CNTNAP5: variants seen among roughly 807,000 people sequenced by gnomAD.
The protein encoded by CNTNAP5 is contactin-associated protein-like 5.
A neutral mutation model predicts 150.2 loss-of-function variants in CNTNAP5; 72 were observed. The observed-to-expected ratio is 0.48, with a 90% confidence interval of 0.40 to 0.58. CNTNAP5 has a LOEUF of 0.58. Among genes scored for constraint, CNTNAP5 ranks in the 20% least tolerant of loss-of-function variants. The pLI is 0.00. For missense variants in CNTNAP5, 1,636 were observed against 1,626.2 expected, an observed-to-expected ratio of 1.01 and a Z score of -0.10; for synonymous variants, 672 against 619.8, an observed-to-expected ratio of 1.08 and a Z score of -1.25.
chr2:124,201,256 A>G (rs946618232), intron 1 of CNTNAP5, among the ~76,000 whole-genome samples: 2 of 152,288 alleles, frequency 1.3e-5, no homozygotes, highest in Middle Eastern at 3.4e-3. Flanking sequence ...CTACTTTTAA[A>G]CCTAGCCAAA....
At chr2:124,386,997 G>C (rs142537424) in intron 3 of CNTNAP5, among the ~76,000 whole-genome samples, 6 of 152,328 alleles carry the variant, frequency 3.9e-5, no homozygotes, top group African/African-American at 1.2e-4. Context: ...GATAGAGCAA[G>C]AAGATGGTTA....
chr2:124,880,448 T>C (rs1677943290), intron 21 of CNTNAP5, among the ~76,000 whole-genome samples: 1 of 152,302 alleles, frequency 6.6e-6, no homozygotes, highest in South Asian at 2.1e-4. Context: ...TAATCAACTC[T>C]AATCAATCAT....
At chr2:124,540,183 T>G (rs1296392977) in intron 10 of CNTNAP5, among the ~76,000 whole-genome samples, 2 of 152,180 alleles carry the variant, frequency 1.3e-5, no homozygotes, top group Non-Finnish European at 2.9e-5. Flanking sequence ...TGCTACCTGC[T>G]TTTACCTATG....
At chr2:124,362,052 G>T (rs1156764017) in intron 3 of CNTNAP5, among the ~76,000 whole-genome samples, 3 of 152,306 alleles carry the variant, frequency 2.0e-5, no homozygotes, top group East Asian at 1.9e-4. Context: ...GCAATATTCG[G>T]GTGGGAGTGA....
chr2:124,853,260 C>A (rs1248735479), intron 19 of CNTNAP5, among the ~76,000 whole-genome samples: 1 of 152,178 alleles, frequency 6.6e-6, no homozygotes, highest in East Asian at 1.9e-4. Context: ...CATTGTGGCA[C>A]CCAGGCTAAC....
chr2:124,556,875 G>C (rs1305504996), intron 10 of CNTNAP5, among the ~76,000 whole-genome samples: 1 of 152,094 alleles, frequency 6.6e-6, no homozygotes, highest in South Asian at 2.1e-4. Flanking sequence ...GTCAGGTTTG[G>C]TTAAAGGTAA....
At chr2:124,089,786 G>C (rs893747972) in intron 1 of CNTNAP5, among the ~76,000 whole-genome samples, 1 of 152,172 alleles carries the variant, frequency 6.6e-6, no homozygotes, top group Non-Finnish European at 1.5e-5. Context: ...TCATAGCTCT[G>C]AAGTGAGAAC....
At chr2:124,454,749 C>A (rs187487449) in intron 6 of CNTNAP5, among the ~76,000 whole-genome samples, 1 of 152,150 alleles carries the variant, frequency 6.6e-6, no homozygotes, top group African/African-American at 2.4e-5. Flanking sequence ...ACATTCAAAA[C>A]CATGCAAATA....
chr2:124,754,331 T>C (rs1680792186), intron 14 of CNTNAP5, among the ~76,000 whole-genome samples: 1 of 152,188 alleles, frequency 6.6e-6, no homozygotes, highest in African/African-American at 2.4e-5. Flanking sequence ...TATGAGCTAC[T>C]CTACTGCTTA....
intron 3 of CNTNAP5, among the ~76,000 whole-genome samples, chr2:124,378,151 T>C (rs1160411111): frequency 1.3e-5 from 2 of 152,102 alleles, no homozygotes; most frequent in African/African-American, 4.8e-5. Context: ...GGTCCAGGTA[T>C]ATATATCCAT....
At chr2:124,667,931 G>A (rs192801686) in intron 13 of CNTNAP5, among the ~76,000 whole-genome samples, 2 of 152,336 alleles carry the variant, frequency 1.3e-5, no homozygotes, top group East Asian at 3.9e-4. Flanking sequence ...TGGGAGAAAC[G>A]ACCCAGAGGA....
chr2:124,232,331 T>C (rs1294290411), intron 2 of CNTNAP5, among the ~76,000 whole-genome samples: 2 of 152,146 alleles, frequency 1.3e-5, no homozygotes, highest in Non-Finnish European at 2.9e-5. Context: ...TGGAACATTG[T>C]GTGGTAGATG....
intron 1 of CNTNAP5, among the ~76,000 whole-genome samples, chr2:124,048,192 C>T (rs2104639635): frequency 6.6e-6 from 1 of 152,280 alleles, no homozygotes; most frequent in South Asian, 2.1e-4. Flanking sequence ...CTATGTTGTT[C>T]TGTTTAAACT....
At chr2:124,871,281 C>CTTATTTATTTATTTATTTAT (rs1427017376) in intron 21 of CNTNAP5, among the ~76,000 whole-genome samples, 2,315 of 151,176 alleles carry the variant, frequency 0.015, 60 homozygotes, top group African/African-American at 0.053. Context: ...TATTTACTTA[C>CTTATTTATTTATTTATTTAT]TTATTTATTT....
At chr2:124,873,208 G>T (rs1677788476) in intron 21 of CNTNAP5, among the ~76,000 whole-genome samples, 1 of 152,026 alleles carries the variant, frequency 6.6e-6, no homozygotes. Flanking sequence ...AGAAGAGCGA[G>T]GAGGAAGGTG....
intron 3 of CNTNAP5, among the ~76,000 whole-genome samples, chr2:124,375,792 G>T (rs1488374716): frequency 6.6e-6 from 1 of 151,966 alleles, no homozygotes; most frequent in African/African-American, 2.4e-5. Flanking sequence ...CCAAAAAAAA[G>T]TTAAAAAACT....
chr2:124,599,726 T>G (rs1696936810), intron 11 of CNTNAP5, among the ~76,000 whole-genome samples: 2 of 152,114 alleles, frequency 1.3e-5, no homozygotes, highest in South Asian at 4.2e-4. Flanking sequence ...CTCAGGGAGT[T>G]TTTTTGTTTT....
intron 2 of CNTNAP5, 100 bp downstream of exon 2, chr2:124,221,909 A>G (rs565013653): frequency 7.7e-5 from 56 of 725,880 alleles, no homozygotes; most frequent in Admixed American, 1.2e-4. Context: ...ATCATGTCCA[A>G]TGGCCGTCTT....
At chr2:124,051,003 C>G (rs1019485278) in intron 1 of CNTNAP5, among the ~76,000 whole-genome samples, 10 of 152,060 alleles carry the variant, frequency 6.6e-5, no homozygotes, top group Non-Finnish European at 2.9e-5. Flanking sequence ...TGTTAAATGT[C>G]CACAGTTAAA....
Sources: allele counts gnomAD v4.1 joint callset (sites outside exome capture counted in the v4.1 genomes callset), GRCh38; gene constraint gnomAD v4.1.1; transcripts MANE v1.5; gene names NCBI Gene and HGNC (gene_info 2026-07-23, HGNC 2026-07-21).